Variants in AGTPBP1 observed in about 807,000 individuals in gnomAD.
AGTPBP1 encodes ATP/GTP binding carboxypeptidase 1, also known as cytosolic carboxypeptidase 1.
AGTPBP1 carries 70 observed loss-of-function variants against 143.9 expected under a neutral mutation model. The ratio of observed to expected loss-of-function variants is 0.49; its 90% CI spans 0.40 to 0.59. The LOEUF is 0.59. Among genes scored for constraint, AGTPBP1 ranks in the 20% least tolerant of loss-of-function variants. AGTPBP1 has a pLI of 0.00. For missense variants in AGTPBP1, 1,229 were observed against 1,464.5 expected, an observed-to-expected ratio of 0.84 and a Z score of 2.62; for synonymous variants, 463 against 500.2, an observed-to-expected ratio of 0.93 and a Z score of 0.99.
At chr9:85,649,263 C>G (rs987222186) in intron 11 of AGTPBP1, among the ~76,000 whole-genome samples, 1 of 152,182 alleles carries the variant, frequency 6.6e-6, no homozygotes, top group African/African-American at 2.4e-5. Flanking sequence ...AGGAAAGAGT[C>G]TGCACATTCT....
At chr9:85,690,989 TTTATC>T (rs1366606102) in intron 3 of AGTPBP1, among the ~76,000 whole-genome samples, 1 of 152,126 alleles carries the variant, frequency 6.6e-6, no homozygotes, top group Non-Finnish European at 1.5e-5. Context: ...GACAAAAGTG[TTTATC>T]TATAGGTCTG....
At chr9:85,733,183 C>T (rs900283093) in intron 1 of AGTPBP1, among the ~76,000 whole-genome samples, 12 of 152,146 alleles carry the variant, frequency 7.9e-5, no homozygotes, top group Non-Finnish European at 8.8e-5. Flanking sequence ...ATAAATTCCT[C>T]TCAAGTGCAC....
the AGTPBP1 span, among the ~76,000 whole-genome samples, chr9:85,802,882 C>T: frequency 6.6e-6 from 1 of 152,172 alleles, no homozygotes; most frequent in East Asian, 1.9e-4. Context: ...AAAGTAAACG[C>T]CTTGGCCTGA....
the AGTPBP1 span, among the ~76,000 whole-genome samples, chr9:85,788,195 C>T: frequency 6.6e-6 from 1 of 151,832 alleles, no homozygotes; most frequent in African/African-American, 2.4e-5. Flanking sequence ...ATACTATTTT[C>T]TAAATTTCAA....
intron 25 of AGTPBP1, among the ~76,000 whole-genome samples, chr9:85,553,028 T>C (rs1425897113): frequency 6.6e-6 from 1 of 152,242 alleles, no homozygotes; most frequent in Admixed American, 6.5e-5. Context: ...GTTTCATTTA[T>C]ATAATTTATA....
chr9:85,680,636 T>G (rs1272013056), intron 4 of AGTPBP1, among the ~76,000 whole-genome samples: 2 of 152,064 alleles, frequency 1.3e-5, no homozygotes, highest in African/African-American at 4.8e-5. Flanking sequence ...TAACTTTTAT[T>G]GAGATTGCTC....
Position 85,661,062 on chromosome 9 carries a change from C to A in AGTPBP1, c.663-89G>T. The A allele has an allele frequency of 5.3e-6, 6 of 1,137,494 alleles. No individual in the cohort carries two copies. The South Asian group carries it at 7.9e-5, about 15-fold the overall frequency. The allele number at this position is 1,137,494 out of a possible 1,614,324, so 70.5% of individuals were successfully genotyped here. A position where few individuals can be genotyped will look rare whatever the true frequency, so the allele number is the denominator to read the frequency against. ...ATTCATACAATCTTTTTCAATAAGTCATTATTCTATTATCTATTCCAAAGT... is the reference window on the plus strand; with the variant it reads ...ATTCATACAATCTTTTTCAATAAGTAATTATTCTATTATCTATTCCAAAGT... On this transcript the variant is annotated intron_variant, in intron 8 of 25. Transcript: ENST00000357081.
chr9:85,781,233 C>A, the AGTPBP1 span: 1 of 1,525,172 alleles, frequency 6.6e-7, no homozygotes, highest in Admixed American at 2.3e-5. Context: ...TGGAAACTTT[C>A]AAAACATATG....
intron 25 of AGTPBP1, among the ~76,000 whole-genome samples, chr9:85,573,341 A>T (rs1219741580): frequency 6.6e-6 from 1 of 152,152 alleles, no homozygotes; most frequent in Non-Finnish European, 1.5e-5. Flanking sequence ...CCTAACCGCG[A>T]GTGATCCGCC....
chr9:85,613,208 G>C (rs953074479), intron 17 of AGTPBP1, among the ~76,000 whole-genome samples: 6 of 151,906 alleles, frequency 3.9e-5, no homozygotes, highest in African/African-American at 1.4e-4. Flanking sequence ...AAATACAGAA[G>C]TTGTAATCAA....
rs746462270 is a variant in AGTPBP1, at chr9:85,657,410, CAAT to C, written c.909+22_909+24del. Reference sequence around the variant, plus strand: ...AAATCATATTATTAGTACATAATCACAATAATAAGAAGAAAATAACTCACTTGC... The same window carrying C: ...AAATCATATTATTAGTACATAATCACAATAAGAAGAAAATAACTCACTTGC... On this transcript the variant is annotated intron_variant, in intron 10 of 25. Transcript: ENST00000357081. 3.3e-5 allele frequency: 51 copies of C among 1,559,880 alleles called. No individual in the cohort carries two copies. In the South Asian group the frequency reaches 3.7e-4, roughly 11 times the overall value.
At chr9:85,782,816 T>A in the AGTPBP1 span, among the ~76,000 whole-genome samples, 1 of 152,240 alleles carries the variant, frequency 6.6e-6, no homozygotes. Context: ...GATTCTCAGT[T>A]TAGTAATACA....
At chr9:85,612,212 T>C (rs1830356326) in intron 17 of AGTPBP1, among the ~76,000 whole-genome samples, 1 of 152,168 alleles carries the variant, frequency 6.6e-6, no homozygotes, top group African/African-American at 2.4e-5. Flanking sequence ...CTTGGTGTAC[T>C]CTTTGATGGG....
chr9:85,566,173 G>A (rs1827074772), intron 25 of AGTPBP1, among the ~76,000 whole-genome samples: 1 of 152,156 alleles, frequency 6.6e-6, no homozygotes, highest in African/African-American at 2.4e-5. Flanking sequence ...TATAGTCTCT[G>A]GGGTTAACTA....
intron 17 of AGTPBP1, among the ~76,000 whole-genome samples, chr9:85,615,359 ATAAT>A (rs1483499940): frequency 6.6e-6 from 1 of 152,146 alleles, no homozygotes; most frequent in East Asian, 1.9e-4. Flanking sequence ...ATGTAAACAA[ATAAT>A]TAAGGGTATC....
chr9:85,612,739 A>G (rs1464869044), intron 17 of AGTPBP1, among the ~76,000 whole-genome samples: 3 of 152,092 alleles, frequency 2.0e-5, no homozygotes, highest in Non-Finnish European at 4.4e-5. Context: ...AACTCCAGGT[A>G]GTTTGTATCA....
At chr9:85,802,499 C>G in the AGTPBP1 span, among the ~76,000 whole-genome samples, 1 of 152,102 alleles carries the variant, frequency 6.6e-6, no homozygotes, top group East Asian at 1.9e-4. Flanking sequence ...CAATGGGGCT[C>G]TTAGTAATGC....
At chr9:85,565,990 A>G (rs574135132) in intron 25 of AGTPBP1, among the ~76,000 whole-genome samples, 163 of 152,330 alleles carry the variant, frequency 1.1e-3, no homozygotes, top group African/African-American at 3.7e-3. Context: ...TTTGGGCACT[A>G]TAAGACAGTG....
the AGTPBP1 span, among the ~76,000 whole-genome samples, chr9:85,757,856 T>G: frequency 2.0e-5 from 3 of 152,196 alleles, no homozygotes; most frequent in African/African-American, 7.2e-5. Context: ...GACCGATTTA[T>G]TTTCTGAAGA....
Sources: gnomAD v4.1 joint callset for allele counts (sites outside exome capture counted in the v4.1 genomes callset) on GRCh38, gnomAD v4.1.1 for gene constraint, MANE v1.5 for transcripts, NCBI Gene and HGNC (gene_info 2026-07-23, HGNC 2026-07-21) for gene names.